The following BABAM2 variants were observed in gnomAD, a reference collection of about 807,000 sequenced individuals.
BABAM2 encodes the protein BRISC and BRCA1 A complex member 2.
A neutral mutation model predicts 54.7 loss-of-function variants in BABAM2; 31 were observed. That is an observed-to-expected ratio of 0.57 (90% CI 0.43 to 0.77). The LOEUF (loss-of-function observed/expected upper bound fraction) is 0.77, where lower values mean the gene tolerates loss of function less well. BABAM2 is among the 30% of genes least tolerant of loss of function. The probability of loss-of-function intolerance (pLI) is 0.00; values close to 1 mark genes in which losing one functional copy is unlikely to be tolerated. For missense variants in BABAM2, 364 were observed against 455.8 expected, an observed-to-expected ratio of 0.80 and a Z score of 1.83; for synonymous variants, 167 against 162.9, an observed-to-expected ratio of 1.03 and a Z score of -0.19.
intron 11 of BABAM2, chr2:28,327,192 G>A: frequency 1.4e-6 from 2 of 1,419,802 alleles, no homozygotes; most frequent in Non-Finnish European, 1.9e-6. Context: ...AGGCTCAGGA[G>A]CCCATTAGGA....
rs1286120518 is a variant in BABAM2, at chr2:28,183,739, T to TCACA, written c.681-53431_681-53428dup. ...ATTTTATGTTACTTTTGGATGAAGA[T>TCACA]CACACACACACACACACACACACAC... On this transcript the variant is annotated intron_variant, in intron 7 of 11. Transcript: ENST00000379624. Among the ~76,000 whole-genome samples the TCACA allele has an allele frequency of 5.5e-3, 730 of 133,208 alleles. 6 individuals are homozygous for TCACA. The highest frequency in any genetic ancestry group is 0.014 in the African/African-American group (525 of 37,130). The allele number at this position is 133,208 out of a possible 152,430, so 87.4% of individuals were successfully genotyped here.
intron 5 of BABAM2, among the ~76,000 whole-genome samples, chr2:28,027,567 G>T (rs1675964474): frequency 6.6e-6 from 1 of 152,118 alleles, no homozygotes; most frequent in Admixed American, 6.5e-5. Flanking sequence ...TACAGTATGT[G>T]GTTTTTGTGA....
intron 2 of BABAM2, among the ~76,000 whole-genome samples, chr2:27,919,181 G>T (rs928337515): frequency 6.6e-6 from 1 of 152,072 alleles, no homozygotes; most frequent in African/African-American, 2.4e-5. Context: ...ACAGTTGATG[G>T]TATATGGAAA....
chr2:27,928,979 T>C (rs1315860087), intron 2 of BABAM2, among the ~76,000 whole-genome samples: 1 of 145,210 alleles, frequency 6.9e-6, no homozygotes, highest in Non-Finnish European at 1.5e-5. Context: ...TTTGGGAGGC[T>C]AGGTGGGAGG....
intron 10 of BABAM2, among the ~76,000 whole-genome samples, chr2:28,266,926 C>T (rs1050603202): frequency 2.6e-5 from 4 of 152,184 alleles, no homozygotes; most frequent in Non-Finnish European, 5.9e-5. Flanking sequence ...GAGGCCAAGG[C>T]GTGTGGATCA....
chr2:28,040,181 A>G (rs992639547), intron 5 of BABAM2, among the ~76,000 whole-genome samples: 7 of 151,800 alleles, frequency 4.6e-5, no homozygotes, highest in Admixed American at 2.6e-4. Flanking sequence ...TTTACAGTTT[A>G]TAACTTAATT....
At chr2:28,018,807 A>C (rs1032870422) in intron 4 of BABAM2, among the ~76,000 whole-genome samples, 2 of 152,132 alleles carry the variant, frequency 1.3e-5, no homozygotes, top group African/African-American at 4.8e-5. Flanking sequence ...TCTTCTTTTG[A>C]GAATTGTCTA....
chr2:28,306,995 CTTTTTTT>C (rs143177903), intron 11 of BABAM2, among the ~76,000 whole-genome samples: 1 of 26,358 alleles, frequency 3.8e-5, no homozygotes, highest in Non-Finnish European at 7.2e-5. Flanking sequence ...CACACCTGGC[CTTTTTTT>C]TTTTTTTTTT....
At chr2:27,922,299 A>G (rs72810584) in intron 2 of BABAM2, among the ~76,000 whole-genome samples, 12,227 of 152,264 alleles carry the variant, frequency 0.08, 750 homozygotes, top group African/African-American at 0.17. Flanking sequence ...AGCGCTTGAC[A>G]CTAGAATCTT....
At chr2:28,247,766 G>A (rs1043542417) in intron 10 of BABAM2, among the ~76,000 whole-genome samples, 3 of 152,148 alleles carry the variant, frequency 2.0e-5, no homozygotes, top group Admixed American at 6.5e-5. Flanking sequence ...CAATAATTAT[G>A]TGCATTTTGG....
intron 7 of BABAM2, among the ~76,000 whole-genome samples, chr2:28,209,993 G>A (rs1452405981): frequency 6.6e-6 from 1 of 152,124 alleles, no homozygotes; most frequent in East Asian, 1.9e-4. Context: ...TGTTCTAATT[G>A]TTAACCTGTG....
intron 3 of BABAM2, among the ~76,000 whole-genome samples, chr2:27,975,863 C>A (rs1387920679): frequency 6.6e-6 from 1 of 151,652 alleles, no homozygotes; most frequent in Non-Finnish European, 1.5e-5. Context: ...AGAAAACCAA[C>A]AACAATAAAA....
At chr2:28,128,000 G>T (rs531659091) in intron 6 of BABAM2, among the ~76,000 whole-genome samples, 115 of 152,122 alleles carry the variant, frequency 7.6e-4, no homozygotes, top group Non-Finnish European at 1.4e-3. Context: ...TTTTAGTAGA[G>T]ACCGGGTTTC....
At chr2:27,922,959 C>CT (rs1268225775) in intron 2 of BABAM2, among the ~76,000 whole-genome samples, 1 of 152,072 alleles carries the variant, frequency 6.6e-6, no homozygotes, top group Non-Finnish European at 1.5e-5. Context: ...TCTTTACTAG[C>CT]TTTTTCATAC....
intron 2 of BABAM2, among the ~76,000 whole-genome samples, chr2:27,902,349 A>G (rs919906145): frequency 1.3e-5 from 2 of 152,218 alleles, no homozygotes; most frequent in African/African-American, 2.4e-5. Flanking sequence ...ATAAGTAAGT[A>G]TGTGTATACT....
chr2:28,313,895 A>G (rs563709455), intron 11 of BABAM2, among the ~76,000 whole-genome samples: 104 of 152,280 alleles, frequency 6.8e-4, no homozygotes, highest in Non-Finnish European at 1.3e-3. Flanking sequence ...GGCATTAACT[A>G]CTCAGCAGAC....
At chr2:28,261,108 A>C (rs1402520118) in intron 10 of BABAM2, among the ~76,000 whole-genome samples, 2 of 151,302 alleles carry the variant, frequency 1.3e-5, no homozygotes, top group Non-Finnish European at 2.9e-5. Context: ...TACCCAGCCA[A>C]TTTTTGTATT....
intron 11 of BABAM2, chr2:28,310,071 T>C: frequency 6.2e-7 from 1 of 1,614,134 alleles, no homozygotes; most frequent in Non-Finnish European, 8.5e-7. Context: ...TTGGTTTGTT[T>C]TTCCTTACAG....
At chr2:28,084,269 G>A (rs955342939) in intron 6 of BABAM2, among the ~76,000 whole-genome samples, 3 of 152,164 alleles carry the variant, frequency 2.0e-5, no homozygotes, top group African/African-American at 7.2e-5. Flanking sequence ...TGAAGAGTGC[G>A]TTAAGAGAGA....
Sources: gnomAD v4.1 joint callset for allele counts (sites outside exome capture counted in the v4.1 genomes callset) on GRCh38, gnomAD v4.1.1 for gene constraint, MANE v1.5 for transcripts, NCBI Gene and HGNC (gene_info 2026-07-23, HGNC 2026-07-21) for gene names.